GNB4: variants seen among roughly 807,000 people sequenced by gnomAD.
The protein encoded by GNB4 is guanine nucleotide-binding protein subunit beta-4.
In GNB4, 28 loss-of-function variants were observed where a neutral mutation model predicts 45.2. The observed-to-expected ratio is 0.62, with a 90% CI of 0.46 to 0.85. The LOEUF (loss-of-function observed/expected upper bound fraction) is 0.85. GNB4 is among the 40% of genes least tolerant of loss of function. The probability of loss-of-function intolerance (pLI) is 0.00; values close to 1 mark genes in which losing one functional copy is unlikely to be tolerated. For missense variants in GNB4, 321 were observed against 425.4 expected, an observed-to-expected ratio of 0.75 and a Z score of 2.16; for synonymous variants, 132 against 143.7, an observed-to-expected ratio of 0.92 and a Z score of 0.58.
the GNB4 span, among the ~76,000 whole-genome samples, chr3:179,494,647 C>T: frequency 3.9e-5 from 6 of 151,962 alleles, no homozygotes; most frequent in East Asian, 3.9e-4. Flanking sequence ...CAGTGGCTCA[C>T]GCCTGTAATC....
At chr3:179,462,005 T>A in the GNB4 span, among the ~76,000 whole-genome samples, 1 of 152,254 alleles carries the variant, frequency 6.6e-6, no homozygotes, top group Non-Finnish European at 1.5e-5. Flanking sequence ...AGTTTCTAGT[T>A]GTTTACTGAA....
At chr3:179,525,038 G>C in the GNB4 span, among the ~76,000 whole-genome samples, 47 of 152,030 alleles carry the variant, frequency 3.1e-4, 1 homozygote, top group Non-Finnish European at 6.6e-4. Flanking sequence ...TGTAGAAAAG[G>C]AGGATTCAAA....
intron 2 of GNB4, among the ~76,000 whole-genome samples, chr3:179,424,068 A>G (rs943384936): frequency 1.2e-4 from 19 of 152,352 alleles, no homozygotes; most frequent in African/African-American, 4.1e-4. Flanking sequence ...GGACATTAGT[A>G]ACTAAGGTTG....
rs1025360299 is a variant in GNB4, at chr3:179,396,567, A to G, written c.*4646T>C. 1.3e-5 allele frequency: 2 copies of G among 152,230 alleles called. No homozygotes were observed. The highest frequency in any genetic ancestry group is 4.8e-5 in the African/African-American group (2 of 41,456). 9.4% of individuals were successfully genotyped at this position (152,230 alleles called of 1,614,324 possible). A position where few individuals can be genotyped will look rare whatever the true frequency, so the allele number is the denominator to read the frequency against. On this transcript the variant is annotated 3_prime_UTR_variant, in exon 10 of 10. Coordinates refer to ENST00000232564, the MANE Select transcript of GNB4 (RefSeq NM_021629.4). Reference sequence around the variant, plus strand: ...TTAAGAAATAAATACTGTATGATGTAAGATTTTGTTGAATACATTTAACAC... The same window carrying G: ...TTAAGAAATAAATACTGTATGATGTGAGATTTTGTTGAATACATTTAACAC...
chr3:179,445,648 T>C (rs567448440), intron 1 of GNB4, among the ~76,000 whole-genome samples: 1 of 152,324 alleles, frequency 6.6e-6, no homozygotes, highest in Admixed American at 6.5e-5. Flanking sequence ...ATTGTATATA[T>C]GACAACAAAT....
At chr3:179,508,566 A>G in the GNB4 span, among the ~76,000 whole-genome samples, 1 of 152,364 alleles carries the variant, frequency 6.6e-6, no homozygotes, top group Non-Finnish European at 1.5e-5. Flanking sequence ...TATACTTTAT[A>G]CAGTTTTAGC....
the GNB4 span, among the ~76,000 whole-genome samples, chr3:179,466,780 T>C: frequency 1.3e-5 from 2 of 152,248 alleles, no homozygotes; most frequent in Non-Finnish European, 2.9e-5. Context: ...AAAATATACA[T>C]GACATGTAAG....
At position 179,426,255 on chromosome 3, in the gene GNB4, A is replaced by T; in HGVS notation, c.-42-13T>A. 7.8e-7 allele frequency: 1 copy of T among 1,288,688 alleles called. No homozygotes were observed. Among genetic ancestry groups the T allele is most frequent in the Non-Finnish European group, 1.1e-6 (1 of 916,352 alleles). The allele number at this position is 1,288,688 out of a possible 1,614,324, so 79.8% of individuals were successfully genotyped here. On this transcript the variant is annotated splice_polypyrimidine_tract_variant and intron_variant, in intron 1 of 9. Coordinates refer to ENST00000232564, the MANE Select transcript of GNB4 (RefSeq NM_021629.4). ...TGAGTGAAAACAGCTGTTAAAAAACAGAGAGCAAGAGAAAGATTCAGTTCT... is the reference window on the plus strand; with the variant it reads ...TGAGTGAAAACAGCTGTTAAAAAACTGAGAGCAAGAGAAAGATTCAGTTCT...
chr3:179,461,695 A>T, the GNB4 span, among the ~76,000 whole-genome samples: 33 of 152,284 alleles, frequency 2.2e-4, no homozygotes, highest in Middle Eastern at 0.01. Context: ...ATCCTTCTAC[A>T]CTAACTAAAA....
the GNB4 span, among the ~76,000 whole-genome samples, chr3:179,505,616 G>A: frequency 2.6e-5 from 4 of 152,212 alleles, no homozygotes; most frequent in South Asian, 2.1e-4. Context: ...ATGAGTCGGT[G>A]TCTCTCCATG....
chr3:179,465,820 CTTCTT>C, the GNB4 span, among the ~76,000 whole-genome samples: 21 of 111,010 alleles, frequency 1.9e-4, no homozygotes, highest in East Asian at 3.5e-3. Flanking sequence ...TCTTCTTCTT[CTTCTT>C]TTTTTTTTTT....
the GNB4 span, among the ~76,000 whole-genome samples, chr3:179,517,250 CA>C: frequency 1.3e-5 from 2 of 151,396 alleles, no homozygotes; most frequent in African/African-American, 4.9e-5. Context: ...CATCCTGGCT[CA>C]AAAGCTCCCC....
intron 1 of GNB4, among the ~76,000 whole-genome samples, chr3:179,447,938 G>A (rs966264801): frequency 6.6e-6 from 1 of 152,172 alleles, no homozygotes; most frequent in Non-Finnish European, 1.5e-5. Flanking sequence ...CAGAAAGAGC[G>A]GTGTCCCAGA....
chr3:179,425,973 C>G (rs112041346), intron 2 of GNB4, among the ~76,000 whole-genome samples, 171 bp downstream of exon 2: 4 of 152,266 alleles, frequency 2.6e-5, no homozygotes, highest in Non-Finnish European at 1.5e-5. Flanking sequence ...AGAGTTCTTT[C>G]GAGACATGGT....
chr3:179,498,756 T>TG, the GNB4 span, among the ~76,000 whole-genome samples: 4 of 145,610 alleles, frequency 2.7e-5, no homozygotes, highest in Non-Finnish European at 4.5e-5. Context: ...TTGGTTTTTT[T>TG]TTTTTTTTTT....
chr3:179,485,009 T>TG, the GNB4 span, among the ~76,000 whole-genome samples: 2 of 63,796 alleles, frequency 3.1e-5, no homozygotes, highest in Non-Finnish European at 4.0e-5. Context: ...CGTTTTGTTT[T>TG]TTTTTTTTTT....
In GNB4 at chr3:179,419,509, T is replaced by G. The variant is rs368225799; in HGVS notation, c.97-4A>C. The G allele has an allele frequency of 2.6e-6, 4 of 1,543,002 alleles. No homozygotes were observed. In the African/African-American group the frequency reaches 5.4e-5, roughly 21 times the overall value. ...CAGAGTCCATATTTGATGTAATCTT[T>G]TGAAAGCAACAAAAATGTTATTCTT... On this transcript the variant is annotated splice_polypyrimidine_tract_variant and splice_region_variant and intron_variant, in intron 3 of 9. Transcript: ENST00000232564.
rs566649823 is a variant in GNB4 at position 179,439,745 on chromosome 3, G to A, written c.-43+11601C>T. 4.6e-5 allele frequency among the ~76,000 whole-genome samples: 7 copies of A among 152,246 alleles called. No individual in the cohort carries two copies. The South Asian group carries it at 1.0e-3, about 23-fold the overall frequency. ...AAAGGCATGAATGTTTTCCCCTACC[G>A]ATTTCTCATATGAAAATTGTGTATT... is the stretch of plus-strand genomic sequence containing the variant. On this transcript the variant is annotated intron_variant, in intron 1 of 9. Transcript: ENST00000232564.
chr3:179,464,617 C>A, the GNB4 span: 3 of 1,256,984 alleles, frequency 2.4e-6, no homozygotes, highest in Non-Finnish European at 2.3e-6. Flanking sequence ...AAAACCAGGG[C>A]AGCTGCAGAT....
Sources: gnomAD v4.1 joint callset for allele counts (sites outside exome capture counted in the v4.1 genomes callset) on GRCh38, gnomAD v4.1.1 for gene constraint, MANE v1.5 for transcripts, NCBI Gene and HGNC (gene_info 2026-07-23, HGNC 2026-07-21) for gene names.